RLIG1: variants seen among roughly 807,000 people sequenced by gnomAD.
RLIG1 encodes RNA ligase 1.
chr12:88,043,460 T>C, the RLIG1 span: 1 of 590,450 alleles, frequency 1.7e-6, no homozygotes, highest in East Asian at 2.8e-5. Context: ...AGTCATGTTG[T>C]GGTGATAATG....
the RLIG1 span, chr12:88,035,822 G>C: frequency 6.5e-7 from 1 of 1,543,604 alleles, no homozygotes; most frequent in Non-Finnish European, 8.7e-7. Flanking sequence ...GGCGAGGGCG[G>C]CTGGGCGCTT....
the RLIG1 span, chr12:88,035,645 C>T: frequency 5.6e-6 from 9 of 1,601,760 alleles, no homozygotes; most frequent in Middle Eastern, 1.6e-4. Flanking sequence ...TTGTTGGGCT[C>T]ATCATGAAGC....
the RLIG1 span, chr12:88,041,856 T>G: frequency 6.6e-6 from 1 of 152,208 alleles, no homozygotes; most frequent in Non-Finnish European, 1.5e-5. Flanking sequence ...TTTTAGACTT[T>G]GATGTCTATT....
the RLIG1 span, chr12:88,047,063 T>C: frequency 1.6e-6 from 2 of 1,268,658 alleles, no homozygotes; most frequent in African/African-American, 1.5e-5. Context: ...TCTCTACAAA[T>C]GGCAGCAATT....
At chr12:88,041,958 A>G in the RLIG1 span, 6 of 152,346 alleles carry the variant, frequency 3.9e-5, no homozygotes, top group East Asian at 5.8e-4. Context: ...CAAAGTGACA[A>G]TGCTTACAAA....
At chr12:88,043,402 G>A in the RLIG1 span, among the ~76,000 whole-genome samples, 5,417 of 152,002 alleles carry the variant, frequency 0.036, 146 homozygotes, top group African/African-American at 0.077. Flanking sequence ...TACAAATGGC[G>A]TATATGAAAT....
At chr12:88,037,533 A>C in the RLIG1 span, among the ~76,000 whole-genome samples, 5 of 152,154 alleles carry the variant, frequency 3.3e-5, no homozygotes, top group Admixed American at 1.3e-4. Context: ...ATCTTTGATA[A>C]ATTTAGATAC....
the RLIG1 span, among the ~76,000 whole-genome samples, chr12:88,040,533 A>G: frequency 6.6e-6 from 1 of 152,190 alleles, no homozygotes; most frequent in Non-Finnish European, 1.5e-5. Context: ...AATTTGTACA[A>G]GTAGCCTCTC....
the RLIG1 span, chr12:88,042,812 A>T: frequency 6.8e-7 from 1 of 1,472,450 alleles, no homozygotes; most frequent in Non-Finnish European, 9.0e-7. Flanking sequence ...TCCTTTTGTT[A>T]TTACTTTTTT....
the RLIG1 span, chr12:88,042,859 A>C: frequency 6.4e-7 from 1 of 1,560,886 alleles, no homozygotes. Flanking sequence ...TAGATAGAAA[A>C]CCCAACAAAC....
chr12:88,042,908 G>A, the RLIG1 span: 1 of 1,559,604 alleles, frequency 6.4e-7, no homozygotes, highest in South Asian at 1.2e-5. Flanking sequence ...ACATTCAAAA[G>A]AAAACCCAAA....
chr12:88,039,926 A>G, the RLIG1 span, among the ~76,000 whole-genome samples: 11 of 152,234 alleles, frequency 7.2e-5, no homozygotes, highest in Non-Finnish European at 1.0e-4. Context: ...AGAAACGTAA[A>G]TAACTACAGA....
chr12:88,038,411 C>G, the RLIG1 span, among the ~76,000 whole-genome samples: 1 of 152,144 alleles, frequency 6.6e-6, no homozygotes, highest in Admixed American at 6.5e-5. Context: ...CTAAATACAA[C>G]TTTCAAAGTA....
chr12:88,047,153 T>G, the RLIG1 span, among the ~76,000 whole-genome samples: 1 of 152,060 alleles, frequency 6.6e-6, no homozygotes, highest in East Asian at 1.9e-4. Context: ...CTTCCCAGTG[T>G]GTATTGTGTG....
the RLIG1 span, among the ~76,000 whole-genome samples, chr12:88,039,641 A>G: frequency 6.6e-6 from 1 of 152,076 alleles, no homozygotes. Context: ...TTTCCACCGT[A>G]TCCAAAATAG....
the RLIG1 span, chr12:88,035,715 C>T: frequency 6.2e-7 from 1 of 1,604,494 alleles, no homozygotes; most frequent in African/African-American, 1.3e-5. Flanking sequence ...GAAAGAGGAG[C>T]CTTCCTCCAA....
the RLIG1 span, among the ~76,000 whole-genome samples, chr12:88,036,493 G>A: frequency 1.3e-5 from 2 of 152,160 alleles, no homozygotes; most frequent in South Asian, 2.1e-4. Flanking sequence ...TGGCTTTCTC[G>A]TCTTCTGGAC....
At chr12:88,045,113 T>TAAGAATGAG in the RLIG1 span, 1 of 154,254 alleles carries the variant, frequency 6.5e-6, no homozygotes, top group Admixed American at 6.4e-5. Context: ...ATTCTGGCAA[T>TAAGAATGAG]AAGAATGAGA....
the RLIG1 span, among the ~76,000 whole-genome samples, chr12:88,036,875 A>G: frequency 6.6e-6 from 1 of 152,140 alleles, no homozygotes; most frequent in East Asian, 1.9e-4. Context: ...TCCATATGAA[A>G]CATTATCATC....
Sources: gnomAD v4.1 joint callset for allele counts (sites outside exome capture counted in the v4.1 genomes callset) on GRCh38, gnomAD v4.1.1 for gene constraint, MANE v1.5 for transcripts, NCBI Gene and HGNC (gene_info 2026-07-23, HGNC 2026-07-21) for gene names.